CDK14: variants seen among roughly 807,000 people sequenced by gnomAD.
The protein encoded by CDK14 is cyclin-dependent kinase 14.
In CDK14, 34 loss-of-function variants were observed where a neutral mutation model predicts 60.7. The ratio of observed to expected loss-of-function variants is 0.56; its 90% CI spans 0.43 to 0.75. The LOEUF (loss-of-function observed/expected upper bound fraction) is 0.75. Ranked by LOEUF, CDK14 falls within the 30% of genes least tolerant of loss-of-function variation. The probability of loss-of-function intolerance (pLI) is 0.00; values close to 1 mark genes in which losing one functional copy is unlikely to be tolerated. For missense variants in CDK14, 482 were observed against 564.1 expected (o/e 0.85, Z 1.47); for synonymous variants, 197 against 203.7 (o/e 0.97, Z 0.28).
intron 2 of CDK14, among the ~76,000 whole-genome samples, chr7:90,606,915 A>G (rs13240809): frequency 0.31 from 46,654 of 152,112 alleles, 8,069 homozygotes; most frequent in East Asian, 0.67. Flanking sequence ...CAGTTGAACT[A>G]TGATCTTCAA....
Position 90,903,014 on chromosome 7 carries a change from T to C in CDK14, c.702+3661T>C, listed in dbSNP as rs572388276. On this transcript the variant is annotated intron_variant, in intron 7 of 14. Coordinates refer to ENST00000380050, the MANE Select transcript of CDK14 (RefSeq NM_001287135.2). The stretch of plus-strand genomic sequence containing the variant: ...TCAACATGACTAATTATCAGAGAAG[T>C]AAAAATCAAAACCACAGTGAAATTC... Among the ~76,000 whole-genome samples, 8 of 152,040 alleles carry C rather than the reference T, an allele frequency of 5.3e-5. No individual in the cohort carries two copies. In the South Asian group the frequency reaches 1.7e-3, roughly 32 times the overall value.
chr7:91,080,611 T>C (rs1798458648), intron 12 of CDK14, among the ~76,000 whole-genome samples: 1 of 152,156 alleles, frequency 6.6e-6, no homozygotes, highest in Non-Finnish European at 1.5e-5. Context: ...TGATCACTGG[T>C]CTAACATATT....
At chr7:91,019,369 C>T (rs1204795786) in intron 10 of CDK14, among the ~76,000 whole-genome samples, 1 of 152,120 alleles carries the variant, frequency 6.6e-6, no homozygotes, top group Non-Finnish European at 1.5e-5. Flanking sequence ...AAAATTACAC[C>T]AAATAGATCT....
chr7:90,733,454 A>G (rs548302684), intron 3 of CDK14, among the ~76,000 whole-genome samples: 16 of 152,274 alleles, frequency 1.1e-4, no homozygotes, highest in African/African-American at 3.4e-4. Context: ...TTGGGAGTCT[A>G]AGTCTCTTTG....
In CDK14 at chr7:91,083,041, T is replaced by C. The variant is rs146455527; in HGVS notation, c.1154+3561T>C. Among the ~76,000 whole-genome samples the C allele has an allele frequency of 2.3e-3, 347 of 152,180 alleles. 1 individual carries two copies. Among genetic ancestry groups the C allele is most frequent in the African/African-American group, 8.0e-3 (333 of 41,568 alleles). ...AAATGTGAGAGGAAGGTAAGAACAC[T>C]GTTATTTCACTAGGAGGAGCAGTTG... On this transcript the variant is annotated intron_variant, in intron 12 of 14. Transcript: ENST00000380050.
At chr7:90,839,514 C>T (rs1790219845) in intron 5 of CDK14, among the ~76,000 whole-genome samples, 1 of 152,184 alleles carries the variant, frequency 6.6e-6, no homozygotes, top group South Asian at 2.1e-4. Flanking sequence ...CTGTTCTTTT[C>T]CTTAGCATAC....
intron 8 of CDK14, among the ~76,000 whole-genome samples, chr7:90,925,855 G>A (rs945928545): frequency 3.9e-5 from 6 of 152,172 alleles, no homozygotes; most frequent in African/African-American, 1.4e-4. Context: ...AAAGGCAGAA[G>A]ATCTATGTGG....
intron 2 of CDK14, chr7:90,710,391 A>G (rs746652933): frequency 4.1e-5 from 40 of 985,110 alleles, no homozygotes; most frequent in Admixed American, 6.2e-5. Flanking sequence ...ACGAGAGACT[A>G]CTTTTTCCAT....
At chr7:90,807,955 T>C (rs545246831) in intron 5 of CDK14, among the ~76,000 whole-genome samples, 1 of 152,164 alleles carries the variant, frequency 6.6e-6, no homozygotes, top group South Asian at 2.1e-4. Flanking sequence ...CCAAGAAATA[T>C]GGGACTATGT....
rs561462490 is a variant in CDK14, at chr7:90,825,709, C to G, written c.544+35057C>G. Among the ~76,000 whole-genome samples, 3 of 152,212 alleles carry G rather than the reference C, an allele frequency of 2.0e-5. No homozygotes were observed. In the East Asian group the frequency reaches 5.8e-4, roughly 29 times the overall value. On this transcript the variant is annotated intron_variant, in intron 5 of 14. Coordinates refer to ENST00000380050, the MANE Select transcript of CDK14 (RefSeq NM_001287135.2). ...AACATAATTTCAGGGTAGTGTGAAG[C>G]TCAATTTTAGGGATTTGGGAAATAA...
At chr7:91,158,086 A>G (rs1005520972) in intron 14 of CDK14, among the ~76,000 whole-genome samples, 1 of 145,076 alleles carries the variant, frequency 6.9e-6, no homozygotes. Context: ...TTAATTATAT[A>G]CATTAAATAT....
intron 3 of CDK14, among the ~76,000 whole-genome samples, chr7:90,745,563 G>T (rs1348406936): frequency 2.2e-4 from 34 of 152,068 alleles, no homozygotes; most frequent in Non-Finnish European, 5.9e-5. Context: ...CTACAGACTT[G>T]TGCCACCACG....
At chr7:90,734,852 T>C (rs1803022344) in intron 3 of CDK14, among the ~76,000 whole-genome samples, 1 of 152,204 alleles carries the variant, frequency 6.6e-6, no homozygotes, top group Non-Finnish European at 1.5e-5. Context: ...TTTGTTCCCC[T>C]GCTGGCGAGG....
chr7:91,027,234 A>T (rs1796599875), intron 10 of CDK14, among the ~76,000 whole-genome samples: 1 of 152,250 alleles, frequency 6.6e-6, no homozygotes, highest in Non-Finnish European at 1.5e-5. Flanking sequence ...GTAACTCACA[A>T]CAATCTAAGC....
At chr7:90,727,130 T>C (rs771055731) in intron 3 of CDK14, among the ~76,000 whole-genome samples, 4 of 152,224 alleles carry the variant, frequency 2.6e-5, no homozygotes, top group African/African-American at 4.8e-5. Flanking sequence ...TATTGAACTT[T>C]ACTGTGTAGG....
chr7:90,790,442 T>C (rs1275948263), intron 4 of CDK14, 131 bp from the exon 5 acceptor site: 1 of 534,852 alleles, frequency 1.9e-6, no homozygotes. Flanking sequence ...CTTGCTTTGG[T>C]GGTATAATTG....
intron 14 of CDK14, among the ~76,000 whole-genome samples, chr7:91,148,530 G>A (rs1800725619): frequency 6.6e-6 from 1 of 152,212 alleles, no homozygotes; most frequent in Non-Finnish European, 1.5e-5. Flanking sequence ...GTGCCTTAGG[G>A]TAAAAAGTGG....
At chr7:90,938,693 T>A (rs935757315) in intron 8 of CDK14, among the ~76,000 whole-genome samples, 19 of 152,224 alleles carry the variant, frequency 1.2e-4, no homozygotes, top group Admixed American at 3.9e-4. Flanking sequence ...CCTTTTGACT[T>A]AAAAGTTAGT....
chr7:90,878,525 A>G (rs1361662741), intron 6 of CDK14, among the ~76,000 whole-genome samples: 1 of 151,750 alleles, frequency 6.6e-6, no homozygotes, highest in Non-Finnish European at 1.5e-5. Context: ...CAACAGACAT[A>G]CTGTACATCA....
Sources: gnomAD v4.1 joint callset for allele counts (sites outside exome capture counted in the v4.1 genomes callset) on GRCh38, gnomAD v4.1.1 for gene constraint, MANE v1.5 for transcripts, NCBI Gene and HGNC (gene_info 2026-07-23, HGNC 2026-07-21) for gene names.